RNF217: variants seen among roughly 807,000 people sequenced by gnomAD.
RNF217 encodes ring finger protein 217, also known as E3 ubiquitin-protein ligase RNF217.
In RNF217, 31 loss-of-function variants were observed where a neutral mutation model predicts 57.8. The ratio of observed to expected loss-of-function variants is 0.54; its 90% confidence interval spans 0.40 to 0.72. RNF217 has a LOEUF of 0.72. Among genes scored for constraint, RNF217 ranks in the 30% least tolerant of loss-of-function variants. The pLI is 0.00. For missense variants in RNF217, 696 were observed against 708.3 expected (o/e 0.98, Z 0.20); for synonymous variants, 313 against 294.0 (o/e 1.06, Z -0.66).
intron 1 of RNF217, chr6:124,983,467 T>C (rs1268609600): frequency 1.0e-6 from 1 of 984,776 alleles, no homozygotes; most frequent in African/African-American, 1.7e-5. Flanking sequence ...GTTTAGTGGA[T>C]TTATGTCCTC....
At chr6:125,054,149 C>A (rs754398064) in intron 2 of RNF217, among the ~76,000 whole-genome samples, 14 of 152,030 alleles carry the variant, frequency 9.2e-5, no homozygotes, top group Non-Finnish European at 1.5e-4. Flanking sequence ...CATCTACATC[C>A]CTAATGGAAG....
intron 1 of RNF217, among the ~76,000 whole-genome samples, chr6:124,967,277 G>T (rs1422284398): frequency 6.6e-6 from 1 of 152,164 alleles, no homozygotes; most frequent in Non-Finnish European, 1.5e-5. Flanking sequence ...GGCCTTCTCA[G>T]CTGACTTGGC....
Position 125,021,629 on chromosome 6 carries a change from G to A in RNF217, c.883-23582G>A, listed in dbSNP as rs141097450. 9.7e-3 allele frequency among the ~76,000 whole-genome samples: 1,479 copies of A among 152,242 alleles called. 23 individuals are homozygous for A. Among genetic ancestry groups the A allele is most frequent in the Admixed American group, 0.031 (467 of 15,290 alleles). On this transcript the variant is annotated intron_variant, in intron 1 of 5. Coordinates refer to ENST00000521654, the MANE Select transcript of RNF217 (RefSeq NM_001286398.3). ...CCAAGTTGAATTCAGAGTACATGTAGAATAAATATATTCTACAAGGACTTA... is the reference window on the plus strand; with the variant it reads ...CCAAGTTGAATTCAGAGTACATGTAAAATAAATATATTCTACAAGGACTTA...
chr6:125,077,606 G>A (rs1321625503), intron 4 of RNF217, among the ~76,000 whole-genome samples: 1 of 152,148 alleles, frequency 6.6e-6, no homozygotes, highest in African/African-American at 2.4e-5. Flanking sequence ...TTTGGGTAAT[G>A]CAGGGTTCTT....
intron 1 of RNF217, among the ~76,000 whole-genome samples, chr6:124,970,184 ACC>A (rs1783710886): frequency 6.6e-6 from 1 of 152,182 alleles, no homozygotes; most frequent in Non-Finnish European, 1.5e-5. Flanking sequence ...CAACAGACTA[ACC>A]AGATATGCCT....
chr6:125,069,118 T>C (rs558626843), intron 3 of RNF217, among the ~76,000 whole-genome samples: 3 of 152,278 alleles, frequency 2.0e-5, no homozygotes, highest in African/African-American at 7.2e-5. Flanking sequence ...CTTTAATGAA[T>C]TCTTGTCATT....
At chr6:124,999,652 G>T (rs1349582275) in intron 1 of RNF217, among the ~76,000 whole-genome samples, 1 of 152,116 alleles carries the variant, frequency 6.6e-6, no homozygotes. Flanking sequence ...CCTTAGGGCT[G>T]TTCTGTGGAT....
intron 1 of RNF217, among the ~76,000 whole-genome samples, chr6:124,984,944 A>G (rs1403918903): frequency 6.6e-6 from 1 of 152,238 alleles, no homozygotes; most frequent in Non-Finnish European, 1.5e-5. Flanking sequence ...TATTATCCAT[A>G]GTATATACAA....
intron 4 of RNF217, among the ~76,000 whole-genome samples, chr6:125,081,119 G>A (rs1204396933): frequency 6.6e-6 from 1 of 152,018 alleles, no homozygotes; most frequent in East Asian, 1.9e-4. Context: ...AAAATGGAAA[G>A]GATCTTAAGG....
Position 125,087,254 on chromosome 6 carries a change from A to T in RNF217, c.*4317A>T, listed in dbSNP as rs1788796921. 6.6e-6 allele frequency: 1 copy of T among 152,160 alleles called. No homozygotes were observed. Among genetic ancestry groups the T allele is most frequent in the Non-Finnish European group, 1.5e-5 (1 of 68,020 alleles). The allele number at this position is 152,160 out of a possible 1,614,324, so 9.4% of individuals were successfully genotyped here. Reference sequence around the variant, plus strand: ...TACAAAAAAGTTAGTGGCCTCTATAACCTTAATTGGCATACTTTACTACAA... The same window carrying T: ...TACAAAAAAGTTAGTGGCCTCTATATCCTTAATTGGCATACTTTACTACAA... On this transcript the variant is annotated 3_prime_UTR_variant, in exon 6 of 6. Coordinates refer to ENST00000521654, the MANE Select transcript of RNF217 (RefSeq NM_001286398.3).
intron 1 of RNF217, among the ~76,000 whole-genome samples, chr6:125,012,779 A>G (rs1197793076): frequency 6.6e-6 from 1 of 151,954 alleles, no homozygotes; most frequent in Non-Finnish European, 1.5e-5. Context: ...ATTTGATTTG[A>G]TTTTTGGCTT....
At chr6:125,013,490 G>T (rs1785495110) in intron 1 of RNF217, among the ~76,000 whole-genome samples, 1 of 151,482 alleles carries the variant, frequency 6.6e-6, no homozygotes, top group Non-Finnish European at 1.5e-5. Context: ...ATCTAGAGGG[G>T]GAGCTTTCCA....
chr6:124,962,944 G>C lies in RNF217; in HGVS notation c.400G>C (p.Glu134Gln). The change falls in exon 1 of 6, where the codon GAG (glutamate) becomes CAG (glutamine). Residue 134 changes from glutamate (E) to glutamine (Q), a missense_variant. Around this residue, in one of 2 missense-constraint regions of RNF217, gnomAD observed 465 missense variants for 386.8 expected, o/e 1.20. Transcript: ENST00000521654. The surrounding 1 kb of genome is among the most constrained non-coding windows in gnomAD (Gnocchi z 4.6). ...GGAGGCGCCCCCCGGCGAAGAGCTG[G>C]AGCCCAGGACCCGCGTGGGGGCCGC... is the stretch of plus-strand genomic sequence containing the variant. ...QQEAPPGEEL[E>Q]PRTRVGAADG... 1.9e-6 allele frequency: 3 copies of C among 1,597,856 alleles called. No homozygotes were observed. Among genetic ancestry groups the C allele is most frequent in the Non-Finnish European group, 2.5e-6 (3 of 1,179,594 alleles).
intron 3 of RNF217, among the ~76,000 whole-genome samples, chr6:125,075,258 G>A (rs1219539915): frequency 7.9e-5 from 12 of 152,152 alleles, no homozygotes; most frequent in African/African-American, 1.7e-4. Context: ...CACCCCTGCC[G>A]TAGTGAAGTA....
At chr6:125,037,502 T>C (rs142295720) in intron 1 of RNF217, among the ~76,000 whole-genome samples, 1 of 152,310 alleles carries the variant, frequency 6.6e-6, no homozygotes, top group Non-Finnish European at 1.5e-5. Context: ...CTGGAATTTT[T>C]GGCTTGATTT....
chr6:124,986,848 T>C (rs189194509), intron 1 of RNF217, among the ~76,000 whole-genome samples: 2 of 152,332 alleles, frequency 1.3e-5, no homozygotes, highest in African/African-American at 4.8e-5. Context: ...AAATTTGTAA[T>C]ATAGATTTAC....
At chr6:125,055,746 AT>A (rs1787497380) in intron 2 of RNF217, among the ~76,000 whole-genome samples, 1 of 152,046 alleles carries the variant, frequency 6.6e-6, no homozygotes, top group Non-Finnish European at 1.5e-5. Context: ...AGGAAAAGCA[AT>A]TTTTTTCCTT....
chr6:124,971,766 A>G (rs62431250), intron 1 of RNF217, among the ~76,000 whole-genome samples: 1 of 152,156 alleles, frequency 6.6e-6, no homozygotes, highest in African/African-American at 2.4e-5. Flanking sequence ...TTTACTGTTA[A>G]GTTTTAATGG....
At chr6:125,023,845 C>T (rs1785955408) in intron 1 of RNF217, among the ~76,000 whole-genome samples, 2 of 152,136 alleles carry the variant, frequency 1.3e-5, no homozygotes, top group African/African-American at 4.8e-5. Flanking sequence ...GCCACATGGT[C>T]CCCCTTTATA....
Sources: gnomAD v4.1 joint callset for allele counts (sites outside exome capture counted in the v4.1 genomes callset) on GRCh38, gnomAD v4.1.1 for gene constraint, gnomAD v4.1.1 regional missense constraint, Gnocchi (gnomAD v3.1) non-coding constraint, MANE v1.5 for transcripts, NCBI Gene and HGNC (gene_info 2026-07-23, HGNC 2026-07-21) for gene names.